Variants in ABCA7 observed in about 807,000 individuals in gnomAD.
ABCA7 encodes the protein ATP binding cassette subfamily A member 7.
A neutral mutation model predicts 227.6 loss-of-function variants in ABCA7; 261 were observed. The ratio of observed to expected loss-of-function variants is 1.15; its 90% CI spans 1.04 to 1.27. The LOEUF is 1.27. Ranked by LOEUF, ABCA7 falls within the 50% of genes most tolerant of loss-of-function variation. ABCA7 has a pLI of 0.00. For synonymous variants in ABCA7, 1,488 were observed against 1,279.7 expected (o/e 1.16, Z -3.47); for missense variants, 3,331 against 2,924.5 (o/e 1.14, Z -3.21).
chr19:1,049,396 C>T lies in ABCA7; in HGVS notation c.2511C>T (p.Thr837=), dbSNP rs371397416. 54 of 1,610,116 alleles carry T rather than the reference C, an allele frequency of 3.4e-5. No homozygotes were observed. Among genetic ancestry groups the T allele is most frequent in the Non-Finnish European group, 1.9e-5 (22 of 1,178,366 alleles). ...TGGACTTCTACCAGGGCCACATCAC[C>T]GCCTTCCTGGGCCACAACGGGGCCG... ...LSLDFYQGHI[T]AFLGHNGAGK... is the part of the protein sequence containing the mutation. The change falls in exon 18 of 47, where the codon ACC becomes ACT. Residue 837 remains threonine (T), a synonymous_variant. Coordinates refer to ENST00000263094, the MANE Select transcript of ABCA7 (RefSeq NM_019112.4).
rs1405199140 is a variant in ABCA7 at position 1,056,895 on chromosome 19, C to A, written c.4587-12C>A. 1.2e-6 allele frequency: 2 copies of A among 1,610,878 alleles called. No homozygotes were observed. The highest frequency in any genetic ancestry group is 1.7e-6 in the Non-Finnish European group (2 of 1,178,046). ...CCTCACCCTACAACAGCTCTCATGT[C>A]TTCACCTCCAGGATGGCCTCCTCGG... On this transcript the variant is annotated splice_polypyrimidine_tract_variant and intron_variant, in intron 33 of 46. Coordinates refer to ENST00000263094, the MANE Select transcript of ABCA7 (RefSeq NM_019112.4). The surrounding 1 kb of genome is among the most constrained non-coding windows in gnomAD (Gnocchi z 4.3).
rs764196479 is a variant in ABCA7 at position 1,043,075 on chromosome 19, C to T, written c.614C>T (p.Ala205Val). 6.2e-7 allele frequency: 1 copy of T among 1,609,282 alleles called. No individual in the cohort carries two copies. The highest frequency in any genetic ancestry group is 1.7e-5 in the Admixed American group (1 of 59,830). Residue 205 changes from alanine to valine, a missense_variant, in exon 8 of 47, where the codon GCA (alanine) becomes GTA (valine). Transcript: ENST00000263094. ...LALRSLVELR[A>V]LLQRPRGTSG... is the part of the protein sequence containing the mutation. ...CTGCGCAGCCTGGTGGAGCTTCGGG[C>T]ACTGCTGCAGAGACCCCGAGGGACC...
At chr19:1,044,450 G>A (rs1228386302) in intron 10 of ABCA7, 127 bp from the exon 11 acceptor site, 2 of 1,118,952 alleles carry the variant, frequency 1.8e-6, no homozygotes, top group South Asian at 1.6e-5. Context: ...CTTTCACCAT[G>A]TTGGCCAGGC....
At position 1,046,392 on chromosome 19, in the gene ABCA7, C is replaced by T; in HGVS notation, c.1608C>T (p.Cys536=). 6.4e-7 allele frequency: 1 copy of T among 1,565,210 alleles called. No homozygotes were observed. Among genetic ancestry groups the T allele is most frequent in the Non-Finnish European group, 8.6e-7 (1 of 1,158,086 alleles). The change falls in exon 13 of 47, where the codon TGC becomes TGT. Residue 536 remains cysteine (C), a synonymous_variant. Transcript: ENST00000263094. ...ACCTGCAGCAGATGCCCTATCCGTG[C>T]TATGTGGACGACGTGTGAGCTCTGG... ...GLYLQQMPYP[C]YVDDVFLRVL... is the part of the protein sequence containing the mutation.
intron 18 of ABCA7, among the ~76,000 whole-genome samples, chr19:1,050,597 G>A (rs879217962): frequency 6.7e-6 from 1 of 150,160 alleles, no homozygotes; most frequent in Admixed American, 6.6e-5. Flanking sequence ...TGGTGAAACA[G>A]TGAAACCCCG....
In ABCA7 at chr19:1,054,107, C is replaced by T. The variant is rs369741286; in HGVS notation, c.3574C>T (p.Pro1192Ser). The stretch of plus-strand genomic sequence containing the variant: ...GGAGACAGCGCTGGAGAACGGGGAA[C>T]CAGGTAAGTCCTTCCCAGTGGCCCT... ...PQETALENGEPAGSAPETDQG... is the reference protein window; with the variant it reads ...PQETALENGESAGSAPETDQG... Residue 1192 changes from proline (P) to serine (S), a missense_variant, in exon 26 of 47, where the codon CCA becomes TCA. By Grantham distance (74) the Pro-to-Ser change is moderately conservative. Coordinates refer to ENST00000263094, the MANE Select transcript of ABCA7 (RefSeq NM_019112.4). This position sits in a 1 kb window ranked among gnomAD's most constrained non-coding sequence, Gnocchi z 4.8. 1 of 1,613,190 alleles carries T rather than the reference C, an allele frequency of 6.2e-7. No individual in the cohort carries two copies. The highest frequency in any genetic ancestry group is 1.1e-5 in the South Asian group (1 of 91,078).
Position 1,054,986 on chromosome 19 carries a change from C to CCTGGGAG in ABCA7, c.3951-102_3951-96dup. 1 of 1,533,212 alleles carries CCTGGGAG rather than the reference C, an allele frequency of 6.5e-7. No homozygotes were observed. The highest frequency in any genetic ancestry group is 8.8e-7 in the Non-Finnish European group (1 of 1,137,178). The allele number at this position is 1,533,212 out of a possible 1,614,324, so 95.0% of individuals were successfully genotyped here. Reference sequence around the variant, plus strand: ...GCACCTGGAGCATCCCCTGTGCCCACCTGGGAGCTGGGAGCCTCTGTGGCT... The same window carrying CCTGGGAG: ...GCACCTGGAGCATCCCCTGTGCCCACCTGGGAGCTGGGAGCTGGGAGCCTCTGTGGCT... On this transcript the variant is annotated intron_variant, in intron 29 of 46. Coordinates refer to ENST00000263094, the MANE Select transcript of ABCA7 (RefSeq NM_019112.4). This position sits in a 1 kb window ranked among gnomAD's most constrained non-coding sequence, Gnocchi z 4.8.
At position 1,058,202 on chromosome 19, in the gene ABCA7, C is replaced by G; in HGVS notation, c.5082C>G (p.Phe1694Leu). 1 of 1,613,674 alleles carries G rather than the reference C, an allele frequency of 6.2e-7. No individual in the cohort carries two copies. Among genetic ancestry groups the G allele is most frequent in the Non-Finnish European group, 8.5e-7 (1 of 1,179,946 alleles). The change falls in exon 37 of 47, where the codon TTC becomes TTG. Residue 1694 changes from phenylalanine to leucine, a missense_variant. By Grantham distance (22) the Phe-to-Leu change is conservative. Transcript: ENST00000263094. ...LKQVFLIFPH[F>L]CLGRGLIDMV... is the part of the protein sequence containing the mutation. ...AGGTCTTCCTTATCTTCCCCCACTT[C>G]TGCTTGGGCCGGGGGCTCATTGACA... is the stretch of plus-strand genomic sequence containing the variant.
At chr19:1,053,204 A>G in intron 23 of ABCA7, 125 bp from the exon 24 acceptor site, 1 of 1,032,652 alleles carries the variant, frequency 9.7e-7, no homozygotes. Flanking sequence ...CACCTGGCCT[A>G]CGTTCTTAAC....
chr19:1,046,846 T>C lies in ABCA7; in HGVS notation c.1667T>C (p.Leu556Pro). 1.3e-6 allele frequency: 2 copies of C among 1,541,986 alleles called. No homozygotes were observed. Among genetic ancestry groups the C allele is most frequent in the South Asian group, 1.2e-5 (1 of 84,262 alleles). ...CGGTCGCTGCCGCTCTTCCTGACGC[T>C]GGCCTGGATCTACTCCGTGACACTG... ...LSRSLPLFLTLAWIYSVTLTV... is the reference protein window; with the variant it reads ...LSRSLPLFLTPAWIYSVTLTV... Residue 556 changes from leucine to proline, a missense_variant, in exon 14 of 47, where the codon CTG (leucine) becomes CCG (proline). Leu to Pro is a moderately conservative substitution (Grantham distance 98). Coordinates refer to ENST00000263094, the MANE Select transcript of ABCA7 (RefSeq NM_019112.4).
At position 1,056,311 on chromosome 19, in the gene ABCA7, G is replaced by A. The variant is rs374768918; in HGVS notation, c.4417-19G>A. 6.2e-7 allele frequency: 1 copy of A among 1,610,766 alleles called. No individual in the cohort carries two copies. ...TCCAACCCCATTGCTCTGACCCTAT[G>A]ACCTTGACCCCCACCCAGATCTGGT... is the stretch of plus-strand genomic sequence containing the variant. On this transcript the variant is annotated intron_variant, in intron 32 of 46. Coordinates refer to ENST00000263094, the MANE Select transcript of ABCA7 (RefSeq NM_019112.4). The surrounding 1 kb of genome is among the most constrained non-coding windows in gnomAD (Gnocchi z 4.3).
intron 12 of ABCA7, among the ~76,000 whole-genome samples, chr19:1,045,799 G>A (rs979702401): frequency 3.3e-5 from 5 of 151,754 alleles, no homozygotes; most frequent in Non-Finnish European, 5.9e-5. Flanking sequence ...AGGAGATCAA[G>A]ACCATCCTGA....
intron 45 of ABCA7, chr19:1,064,648 C>T: frequency 1.9e-6 from 1 of 535,020 alleles, no homozygotes; most frequent in South Asian, 2.7e-5. Flanking sequence ...GAGGAGTGTC[C>T]GAAAAAGGAG....
rs754470143 is a variant in ABCA7 at position 1,053,816 on chromosome 19, C to CTGCGGACACAGATATGGAGGG, written c.3458_3472+6dup. ...TTCCTGAAGGTGGTGGAGGAGTGTG[C>CTGCGGACACAGATATGGAGGG]TGCGGACACAGATATGGAGGGTGCG... On this transcript the variant is annotated inframe_insertion, in exon 25 of 47. Coordinates refer to ENST00000263094, the MANE Select transcript of ABCA7 (RefSeq NM_019112.4). The CTGCGGACACAGATATGGAGGG allele has an allele frequency of 2.9e-5, 47 of 1,612,082 alleles. 1 individual carries two copies. The highest frequency in any genetic ancestry group is 1.6e-4 in the Middle Eastern group (1 of 6,080).
chr19:1,043,869 T>A (rs1180297254), intron 10 of ABCA7, 28 bp downstream of exon 10: 1 of 1,597,726 alleles, frequency 6.3e-7, no homozygotes, highest in African/African-American at 1.3e-5. Context: ...GGAGGTGGGA[T>A]GTGGCTCCCC....
chr19:1,045,396 G>A (rs2040522004), intron 12 of ABCA7, 165 bp downstream of exon 12: 1 of 698,714 alleles, frequency 1.4e-6, no homozygotes, highest in Non-Finnish European at 2.3e-6. Context: ...GACCAATAGG[G>A]GCCCGTGATG....
In ABCA7 at chr19:1,049,282, A is replaced by C. The variant is rs1599613350; in HGVS notation, c.2397A>C (p.Ala799=). The C allele has an allele frequency of 6.2e-7, 1 of 1,607,310 alleles. No individual in the cohort carries two copies. Among genetic ancestry groups the C allele is most frequent in the Non-Finnish European group, 8.5e-7 (1 of 1,176,448 alleles). The part of the protein sequence containing the change: ...PLDPKVLVEE[A]PPGLSPGVSV... Reference sequence around the variant, plus strand: ...TCTCTGCAGTGCTGGTAGAAGAGGCACCGCCCGGCCTGAGTCCTGGCGTCT... The same window carrying C: ...TCTCTGCAGTGCTGGTAGAAGAGGCCCCGCCCGGCCTGAGTCCTGGCGTCT... The change falls in exon 18 of 47, where the codon GCA becomes GCC. Residue 799 remains alanine, a synonymous_variant. Coordinates refer to ENST00000263094, the MANE Select transcript of ABCA7 (RefSeq NM_019112.4).
chr19:1,057,461 TACTG>T, intron 35 of ABCA7, 32 bp downstream of exon 35: 1 of 1,576,170 alleles, frequency 6.3e-7, no homozygotes, highest in Non-Finnish European at 8.7e-7. Context: ...GGCCTATTCT[TACTG>T]ACCCCTTACT....
intron 40 of ABCA7, among the ~76,000 whole-genome samples, chr19:1,060,207 A>ATATTTTTT: frequency 1.7e-4 from 16 of 96,866 alleles, no homozygotes; most frequent in African/African-American, 5.6e-4. Context: ...ATATATATAT[A>ATATTTTTT]TTTTTTTTTC....
Sources: allele counts gnomAD v4.1 joint callset (sites outside exome capture counted in the v4.1 genomes callset), GRCh38; gene constraint gnomAD v4.1.1; non-coding constraint Gnocchi (gnomAD v3.1); transcripts MANE v1.5; gene names NCBI Gene and HGNC (gene_info 2026-07-23, HGNC 2026-07-21).